CCNJL: variants seen among roughly 807,000 people sequenced by gnomAD.
CCNJL encodes cyclin J like, also known as cyclin-J-like protein.
CCNJL carries 33 observed loss-of-function variants against 33.4 expected under a neutral mutation model. That is an observed-to-expected ratio of 0.99 (90% CI 0.75 to 1.32). CCNJL has a LOEUF of 1.32. Ranked by LOEUF, CCNJL falls within the 40% of genes most tolerant of loss-of-function variation. CCNJL has a pLI of 0.00. For missense variants in CCNJL, 512 were observed against 499.7 expected, an observed-to-expected ratio of 1.02 and a Z score of -0.23; for synonymous variants, 227 against 220.9, an observed-to-expected ratio of 1.03 and a Z score of -0.24.
chr5:160,296,888 G>A (rs1373335756), intron 2 of CCNJL, among the ~76,000 whole-genome samples: 1 of 152,154 alleles, frequency 6.6e-6, no homozygotes, highest in African/African-American at 2.4e-5. Flanking sequence ...CCTGTCTTTG[G>A]TATAGCGGTA....
chr5:160,333,135 T>C (rs1405041596), intron 1 of CCNJL, among the ~76,000 whole-genome samples: 1 of 151,958 alleles, frequency 6.6e-6, no homozygotes, highest in Non-Finnish European at 1.5e-5. Flanking sequence ...TTTTTTTTTT[T>C]TTTTTGAGAT....
intron 3 of CCNJL, among the ~76,000 whole-genome samples, chr5:160,262,916 C>A (rs2113259549): frequency 6.6e-6 from 1 of 152,354 alleles, no homozygotes; most frequent in South Asian, 2.1e-4. Context: ...TCCTTATCGA[C>A]AAACTGCACA....
chr5:160,318,778 T>C (rs1763406443), intron 1 of CCNJL, among the ~76,000 whole-genome samples: 1 of 152,210 alleles, frequency 6.6e-6, no homozygotes, highest in Non-Finnish European at 1.5e-5. Context: ...ATGAAATATA[T>C]ATGCATGTTC....
chr5:160,307,208 C>T (rs1006888032), intron 2 of CCNJL, among the ~76,000 whole-genome samples: 16 of 152,178 alleles, frequency 1.1e-4, no homozygotes, highest in Non-Finnish European at 2.4e-4. Context: ...TGGGGGACAC[C>T]CTGAGGTCCC....
chr5:160,263,686 A>G (rs1209439376), intron 3 of CCNJL, among the ~76,000 whole-genome samples: 1 of 152,212 alleles, frequency 6.6e-6, no homozygotes, highest in Non-Finnish European at 1.5e-5. Flanking sequence ...TAAGGTGGTG[A>G]CACGAGACTG....
intron 1 of CCNJL, among the ~76,000 whole-genome samples, chr5:160,323,680 C>A (rs1413896787): frequency 6.6e-6 from 1 of 152,062 alleles, no homozygotes; most frequent in Admixed American, 6.5e-5. Flanking sequence ...CCAGGGGGTG[C>A]CCACATAATT....
chr5:160,319,742 G>C (rs1244885976), intron 1 of CCNJL, among the ~76,000 whole-genome samples: 1 of 152,108 alleles, frequency 6.6e-6, no homozygotes, highest in East Asian at 1.9e-4. Flanking sequence ...ACGAGCCTAG[G>C]AAACATAGTG....
intron 1 of CCNJL, among the ~76,000 whole-genome samples, chr5:160,335,748 A>ATTTGTTTT (rs1455695161): frequency 1.6e-5 from 2 of 125,550 alleles, no homozygotes; most frequent in African/African-American, 5.2e-5. Context: ...TTTTTTTTGA[A>ATTTGTTTT]ATTTTTTTTT....
intron 1 of CCNJL, among the ~76,000 whole-genome samples, chr5:160,323,979 C>T (rs950736376): frequency 6.6e-6 from 1 of 152,194 alleles, no homozygotes; most frequent in African/African-American, 2.4e-5. Context: ...TTCTGGTGCT[C>T]AGGCCTGTGG....
At chr5:160,312,848 C>T (rs1435407996), upstream of CCNJL, 4 of 152,206 alleles carry the variant, frequency 2.6e-5, no homozygotes, top group African/African-American at 7.2e-5. Flanking sequence ...AACGTGCGGA[C>T]AGGACGCCCC....
chr5:160,294,842 G>A (rs1044347288), intron 2 of CCNJL: 2 of 152,204 alleles, frequency 1.3e-5, no homozygotes, highest in Non-Finnish European at 2.9e-5. Flanking sequence ...CCAATTCTTG[G>A]ATCTCTCCGC....
intron 1 of CCNJL, among the ~76,000 whole-genome samples, chr5:160,323,643 T>C (rs546844497): frequency 1.2e-4 from 19 of 152,294 alleles, no homozygotes; most frequent in African/African-American, 4.3e-4. Context: ...GGTGTGACAG[T>C]TAATTTTGTG....
chr5:160,321,169 C>T (rs1397504874), intron 1 of CCNJL, among the ~76,000 whole-genome samples: 1 of 151,320 alleles, frequency 6.6e-6, no homozygotes, highest in Non-Finnish European at 1.5e-5. Context: ...GAAACCCTGG[C>T]GTAGGTGTGT....
chr5:160,287,783 C>T (rs2113378465), intron 2 of CCNJL, among the ~76,000 whole-genome samples: 1 of 152,320 alleles, frequency 6.6e-6, no homozygotes, highest in South Asian at 2.1e-4. Context: ...CAGGCAGGCG[C>T]TGGGCGGGCA....
In CCNJL at chr5:160,320,850, C is replaced by CTTTCTTTCTTTCTTTCCTTCTTTCT. The variant is rs1491096774; in HGVS notation, n.207-5346_207-5345insAGAAAGAAGGAAAGAAAGAAAGAAA. On this transcript the variant is annotated intron_variant and non_coding_transcript_variant, in intron 1 of 7. Coordinates refer to the CCNJL transcript ENST00000377503. ...CTTTCTTTCTTTCTTTCTTTCTTTCCTTCTTTCTTTCTTTCTTTCTCTCTT... is the reference window on the plus strand; with the variant it reads ...CTTTCTTTCTTTCTTTCTTTCTTTCCTTTCTTTCTTTCTTTCCTTCTTTCTTTCTTTCTTTCTTTCTTTCTCTCTT... Among the ~76,000 whole-genome samples, 426 of 55,582 alleles carry CTTTCTTTCTTTCTTTCCTTCTTTCT rather than the reference C, an allele frequency of 7.7e-3. 8 individuals carry two copies. The highest frequency in any genetic ancestry group is 0.023 in the African/African-American group (386 of 16,844). 36.5% of individuals were successfully genotyped at this position (55,582 alleles called of 152,430 possible). A position where few individuals can be genotyped will look rare whatever the true frequency, so the allele number is the denominator to read the frequency against.
intron 1 of CCNJL, 133 bp downstream of exon 1, chr5:160,312,231 T>C (rs1277560017): frequency 5.0e-5 from 24 of 478,028 alleles, no homozygotes; most frequent in South Asian, 4.8e-4. Context: ...GCAGAGAAAG[T>C]TGTCAACTCC....
chr5:160,299,917 C>T (rs1176251082), intron 2 of CCNJL, among the ~76,000 whole-genome samples: 2 of 151,802 alleles, frequency 1.3e-5, no homozygotes, highest in African/African-American at 4.8e-5. Context: ...ATGACTGCAC[C>T]ATATTTTCAT....
chr5:160,272,666 T>C (rs1674612907), intron 3 of CCNJL, among the ~76,000 whole-genome samples: 1 of 152,242 alleles, frequency 6.6e-6, no homozygotes, highest in South Asian at 2.1e-4. Context: ...CTCACCACTG[T>C]ACCACCAATG....
chr5:160,288,165 A>C, intron 2 of CCNJL, among the ~76,000 whole-genome samples: 1 of 152,164 alleles, frequency 6.6e-6, no homozygotes, highest in East Asian at 1.9e-4. Flanking sequence ...AAACTTAGAA[A>C]AGATACATCA....
Sources: allele counts gnomAD v4.1 joint callset (sites outside exome capture counted in the v4.1 genomes callset), GRCh38; gene constraint gnomAD v4.1.1; transcripts MANE v1.5; gene names NCBI Gene and HGNC (gene_info 2026-07-23, HGNC 2026-07-21).